The following PHF12 variants were observed in gnomAD, a reference collection of about 807,000 sequenced individuals.
PHF12 encodes the protein PHD factor 1.
Under a neutral mutation model 99.8 loss-of-function variants are expected in PHF12, and 6 were observed. The observed-to-expected ratio is 0.06, with a 90% CI of 0.03 to 0.12. The LOEUF is 0.12. Ranked by LOEUF, PHF12 falls within the 10% of genes least tolerant of loss-of-function variation. The pLI, the probability that PHF12 is intolerant of heterozygous loss-of-function variation, is 1.00. For synonymous variants in PHF12, 480 were observed against 514.9 expected (o/e 0.93, Z 0.92); for missense variants, 954 against 1,300.1 (o/e 0.73, Z 4.09).
rs1311837254 is a variant in PHF12 at position 28,910,477 on chromosome 17, G to A, written c.2216-108C>T. 3 of 1,339,976 alleles carry A rather than the reference G, an allele frequency of 2.2e-6. No homozygotes were observed. In the African/African-American group the frequency reaches 4.4e-5, roughly 20 times the overall value. 83.0% of individuals were successfully genotyped at this position (1,339,976 alleles called of 1,614,324 possible). ...TTTGGCATTTCTAAAATCCAGCCAA[G>A]TGATTTTTACTCAAACAGCATTGAG... On this transcript the variant is annotated intron_variant, in intron 10 of 14. Coordinates refer to ENST00000332830, the MANE Select transcript of PHF12 (RefSeq NM_001033561.2).
chr17:28,951,216 CG>C lies in PHF12; in HGVS notation c.-257del. On this transcript the variant is annotated 5_prime_UTR_variant, in exon 1 of 15. Transcript: ENST00000332830. ...CTGGCTGCACAGTGGGTCCCGGCTC[CG>C]GGGGTCAGGCCTCGGCGGGGCCTAG... The C allele has an allele frequency of 7.4e-7, 1 of 1,357,096 alleles. No homozygotes were observed. The highest frequency in any genetic ancestry group is 9.5e-7 in the Non-Finnish European group (1 of 1,055,314). The allele number at this position is 1,357,096 out of a possible 1,614,324, so 84.1% of individuals were successfully genotyped here. A position where few individuals can be genotyped will look rare whatever the true frequency, so the allele number is the denominator to read the frequency against.
At position 28,951,064 on chromosome 17, in the gene PHF12, TTCCCAATACGGG is replaced by T; in HGVS notation, c.-116_-105del. On this transcript the variant is annotated 5_prime_UTR_variant, in exon 1 of 15. Transcript: ENST00000332830. ...CGCTCCTGACCCCGGCCCCGCTTTT[TTCCCAATACGGG>T]TCCCGACTTCCTCGCCCTGGCTCCC... The T allele has an allele frequency of 6.4e-7, 1 of 1,572,646 alleles. No homozygotes were observed. Among genetic ancestry groups the T allele is most frequent in the Non-Finnish European group, 8.6e-7 (1 of 1,159,864 alleles).
In PHF12 at chr17:28,941,193, C is replaced by G. The variant is rs188296569; in HGVS notation, c.248+8872G>C. 5.9e-5 allele frequency among the ~76,000 whole-genome samples: 9 copies of G among 152,128 alleles called. No homozygotes were observed. The East Asian group carries it at 1.5e-3, about 26-fold the overall frequency. On this transcript the variant is annotated intron_variant, in intron 2 of 14. Coordinates refer to ENST00000332830, the MANE Select transcript of PHF12 (RefSeq NM_001033561.2). ...AGGGTGGCCTACTTAACTGCATACCCAAGGAATTGTCCCTGTGTTGGGGTT... is the reference window on the plus strand; with the variant it reads ...AGGGTGGCCTACTTAACTGCATACCGAAGGAATTGTCCCTGTGTTGGGGTT...
intron 2 of PHF12, among the ~76,000 whole-genome samples, chr17:28,946,075 T>C (rs1460942708): frequency 2.0e-5 from 3 of 151,858 alleles, no homozygotes; most frequent in Non-Finnish European, 4.4e-5. Flanking sequence ...GGCGTTGCAG[T>C]GAGCTGAGAT....
intron 2 of PHF12, among the ~76,000 whole-genome samples, chr17:28,948,448 A>C (rs1016314482): frequency 3.3e-5 from 5 of 152,234 alleles, no homozygotes; most frequent in African/African-American, 1.2e-4. Context: ...ACAGACCCTT[A>C]GTCACTTCAT....
At chr17:28,923,393 C>T (rs1171389019) in intron 4 of PHF12, among the ~76,000 whole-genome samples, 3 of 149,712 alleles carry the variant, frequency 2.0e-5, no homozygotes, top group East Asian at 2.0e-4. Flanking sequence ...CGTGGTGACT[C>T]GCACCTGTAA....
At chr17:28,931,378 C>G (rs568570090) in intron 2 of PHF12, among the ~76,000 whole-genome samples, 184 of 151,734 alleles carry the variant, frequency 1.2e-3, no homozygotes, top group Non-Finnish European at 1.8e-3. Context: ...GCCTCAGCCT[C>G]CCGAGTAGCT....
Position 28,906,529 on chromosome 17 carries a change from G to A in PHF12, c.2681-12C>T, listed in dbSNP as rs767586669. 1.9e-6 allele frequency: 3 copies of A among 1,588,572 alleles called. No homozygotes were observed. The highest frequency in any genetic ancestry group is 2.7e-5 in the African/African-American group (2 of 74,504). ...GTGCCGGCGGCGCCCTGGGAAAAAG[G>A]GGGATGGTCACAGAAGAGGAACAGT... On this transcript the variant is annotated splice_polypyrimidine_tract_variant and intron_variant, in intron 14 of 14. Transcript: ENST00000332830. This position sits in a 1 kb window ranked among gnomAD's most constrained non-coding sequence, Gnocchi z 4.2.
chr17:28,918,994 G>T, intron 6 of PHF12, 149 bp downstream of exon 6: 1 of 978,836 alleles, frequency 1.0e-6, no homozygotes, highest in Non-Finnish European at 1.4e-6. Flanking sequence ...ATGTCAAAAT[G>T]ATCAGAATTG....
In PHF12 at chr17:28,912,849, G is replaced by C. The variant is rs747886863; in HGVS notation, c.1722C>G (p.Gly574=). The change falls in exon 9 of 15, where the codon GGC becomes GGG. Residue 574 remains glycine, a synonymous_variant. Transcript: ENST00000332830. The stretch of plus-strand genomic sequence containing the variant: ...GGGGCCAGCCTTGCCGGTGTGAGAG[G>C]CCTGGTAGTGGGGTGTTAGCGCCTG... ...RLPGANTPLP[G]LSHRQGWPRP... is the part of the protein sequence containing the mutation. 30 of 1,609,294 alleles carry C rather than the reference G, an allele frequency of 1.9e-5. No homozygotes were observed. In the South Asian group the frequency reaches 3.2e-4, roughly 17 times the overall value.
At chr17:28,921,285 C>G (rs1175871381) in intron 5 of PHF12, among the ~76,000 whole-genome samples, 1 of 152,136 alleles carries the variant, frequency 6.6e-6, no homozygotes, top group African/African-American at 2.4e-5. Context: ...GCTTAAGCCT[C>G]TGGAGTAGCT....
Position 28,923,899 on chromosome 17 carries a change from T to C in PHF12, c.715+10A>G, listed in dbSNP as rs2040216664. 6.3e-7 allele frequency: 1 copy of C among 1,598,796 alleles called. No individual in the cohort carries two copies. Among genetic ancestry groups the C allele is most frequent in the Non-Finnish European group, 8.5e-7 (1 of 1,172,494 alleles). On this transcript the variant is annotated intron_variant, in intron 4 of 14. Transcript: ENST00000332830. ...GGGTTGGGAAGGGATATGATGATGGTTTGGCTGACCTGGTAGTGCAGTGGT... is the reference window on the plus strand; with the variant it reads ...GGGTTGGGAAGGGATATGATGATGGCTTGGCTGACCTGGTAGTGCAGTGGT...
In PHF12 at chr17:28,906,661, G is replaced by T; in HGVS notation, c.2681-144C>A. 1 of 1,220,774 alleles carries T rather than the reference G, an allele frequency of 8.2e-7. No homozygotes were observed. Among genetic ancestry groups the T allele is most frequent in the Non-Finnish European group, 1.1e-6 (1 of 885,292 alleles). 75.6% of individuals were successfully genotyped at this position (1,220,774 alleles called of 1,614,324 possible). ...AGGATGCTCAGAAAGGGTTGGTGGA[G>T]TCTGAAGTCCCCACAGGTGTGTACA... is the stretch of plus-strand genomic sequence containing the variant. On this transcript the variant is annotated intron_variant, in intron 14 of 14. Transcript: ENST00000332830. This position sits in a 1 kb window ranked among gnomAD's most constrained non-coding sequence, Gnocchi z 4.2.
intron 2 of PHF12, among the ~76,000 whole-genome samples, chr17:28,930,545 T>C (rs569378671): frequency 1.3e-5 from 2 of 152,348 alleles, no homozygotes; most frequent in African/African-American, 4.8e-5. Context: ...AAATTACTTA[T>C]GTTTTCTAAG....
chr17:28,907,581 G>T lies in PHF12; in HGVS notation c.2541+9C>A. ...GAAAGCTCCCTCCCACCGCATCTCCGGCCCTCACCTCATCGTAGAATATGC... is the reference window on the plus strand; with the variant it reads ...GAAAGCTCCCTCCCACCGCATCTCCTGCCCTCACCTCATCGTAGAATATGC... On this transcript the variant is annotated intron_variant, in intron 13 of 14. Coordinates refer to ENST00000332830, the MANE Select transcript of PHF12 (RefSeq NM_001033561.2). 5 of 1,613,594 alleles carry T rather than the reference G, an allele frequency of 3.1e-6. No individual in the cohort carries two copies. Among genetic ancestry groups the T allele is most frequent in the Non-Finnish European group, 4.2e-6 (5 of 1,179,672 alleles).
At chr17:28,920,082 G>A (rs1285296927) in intron 5 of PHF12, among the ~76,000 whole-genome samples, 1 of 152,190 alleles carries the variant, frequency 6.6e-6, no homozygotes, top group Non-Finnish European at 1.5e-5. Flanking sequence ...GAGGTGTGCT[G>A]GAAAGATGAT....
chr17:28,942,157 G>C (rs1269851281), intron 2 of PHF12, among the ~76,000 whole-genome samples: 1 of 152,144 alleles, frequency 6.6e-6, no homozygotes, highest in Non-Finnish European at 1.5e-5. Flanking sequence ...CATCCTAACT[G>C]GAGCTCACGG....
At chr17:28,909,938 A>G (rs2039929295) in intron 11 of PHF12, 1 of 615,744 alleles carries the variant, frequency 1.6e-6, no homozygotes, top group Non-Finnish European at 2.9e-6. Context: ...AGCAGAAAGT[A>G]CACTACATAT....
At chr17:28,934,175 T>C (rs1439234266) in intron 2 of PHF12, among the ~76,000 whole-genome samples, 2 of 152,200 alleles carry the variant, frequency 1.3e-5, no homozygotes, top group Non-Finnish European at 2.9e-5. Context: ...ATTTTAGGGA[T>C]CATGGGCTGG....
Sources: allele counts gnomAD v4.1 joint callset (sites outside exome capture counted in the v4.1 genomes callset), GRCh38; gene constraint gnomAD v4.1.1; non-coding constraint Gnocchi (gnomAD v3.1); transcripts MANE v1.5; gene names NCBI Gene and HGNC (gene_info 2026-07-23, HGNC 2026-07-21).